Variants in ASPRV1 observed in about 807,000 individuals in gnomAD.
ASPRV1 encodes retroviral-like aspartic protease 1.
In ASPRV1, 7 loss-of-function variants were observed where a neutral mutation model predicts 11.0. The ratio of observed to expected loss-of-function variants is 0.64; its 90% CI spans 0.36 to 1.20. ASPRV1 has a LOEUF of 1.20. Among genes scored for constraint, ASPRV1 ranks in the 50% most tolerant of loss-of-function variants. The pLI, the probability that ASPRV1 is intolerant of heterozygous loss-of-function variation, is 0.02. For missense variants in ASPRV1, 299 were observed against 320.0 expected, an observed-to-expected ratio of 0.93 and a Z score of 0.50; for synonymous variants, 136 against 138.4, an observed-to-expected ratio of 0.98 and a Z score of 0.12.
At chr2:70,021,433 C>A in the ASPRV1 span, among the ~76,000 whole-genome samples, 1 of 151,634 alleles carries the variant, frequency 6.6e-6, no homozygotes, top group Non-Finnish European at 1.5e-5. Context: ...ATTCTCCTGC[C>A]TCAGCCTTCC....
chr2:70,060,650 T>TA, the ASPRV1 span, among the ~76,000 whole-genome samples: 1,881 of 150,344 alleles, frequency 0.013, 42 homozygotes, highest in African/African-American at 0.043. Context: ...CCGTCTCTAC[T>TA]AAAAAAAAAT....
the ASPRV1 span, among the ~76,000 whole-genome samples, chr2:70,063,591 A>G: frequency 0.025 from 3,793 of 152,262 alleles, 148 homozygotes; most frequent in African/African-American, 0.085. Flanking sequence ...TGTTTCAAAG[A>G]TAAGGGAGTT....
the ASPRV1 span, among the ~76,000 whole-genome samples, chr2:69,932,772 A>G: frequency 2.6e-3 from 398 of 152,318 alleles, 3 homozygotes; most frequent in South Asian, 0.016. Context: ...CAAACTTCCT[A>G]AAAAAATTCA....
upstream of ASPRV1, chr2:69,964,247 C>A: frequency 2.6e-6 from 1 of 391,474 alleles, no homozygotes; most frequent in South Asian, 1.8e-5. Flanking sequence ...CCCATCCTTC[C>A]CCACAATCTT....
chr2:70,084,613 C>G, the ASPRV1 span, among the ~76,000 whole-genome samples: 1 of 152,164 alleles, frequency 6.6e-6, no homozygotes, highest in Non-Finnish European at 1.5e-5. Flanking sequence ...TTTTTAATCA[C>G]TTTATAATGT....
At chr2:70,045,154 A>C in the ASPRV1 span, 3 of 152,114 alleles carry the variant, frequency 2.0e-5, no homozygotes, top group Non-Finnish European at 4.4e-5. Context: ...GCATCTCATC[A>C]CCCTTCTTTC....
the ASPRV1 span, chr2:70,086,247 C>T: frequency 3.3e-5 from 5 of 152,190 alleles, no homozygotes; most frequent in Non-Finnish European, 5.9e-5. Context: ...GCGACGAATG[C>T]TAACCACGTG....
the ASPRV1 span, among the ~76,000 whole-genome samples, chr2:69,946,278 G>C: frequency 1.3e-5 from 2 of 152,208 alleles, no homozygotes; most frequent in Admixed American, 6.5e-5. Context: ...CTCAGGGGGA[G>C]TGCCCATGTC....
chr2:69,948,083 C>CAA, the ASPRV1 span, among the ~76,000 whole-genome samples: 5,192 of 137,922 alleles, frequency 0.038, 254 homozygotes, highest in African/African-American at 0.11. Flanking sequence ...CCCCGTCTCT[C>CAA]AAAAAAAAAA....
the ASPRV1 span, chr2:69,937,534 T>C: frequency 1.3e-6 from 1 of 782,636 alleles, no homozygotes; most frequent in Non-Finnish European, 2.0e-6. Flanking sequence ...CAGTGTGACC[T>C]CCAGTGACAG....
the ASPRV1 span, among the ~76,000 whole-genome samples, chr2:70,042,900 G>T: frequency 6.6e-6 from 1 of 152,118 alleles, no homozygotes; most frequent in Non-Finnish European, 1.5e-5. Context: ...TAAAAGTCTG[G>T]ATCAAAAATA....
At chr2:70,012,056 G>A in the ASPRV1 span, 1 of 152,322 alleles carries the variant, frequency 6.6e-6, no homozygotes, top group Non-Finnish European at 1.5e-5. Flanking sequence ...GGAGGCATGT[G>A]CTATTAGTAC....
At chr2:70,075,139 C>T in the ASPRV1 span, 1 of 148,476 alleles carries the variant, frequency 6.7e-6, no homozygotes, top group Non-Finnish European at 1.5e-5. Context: ...AACAGAGTCT[C>T]GCTCTGTCGC....
the ASPRV1 span, chr2:70,046,098 A>T: frequency 6.6e-6 from 1 of 152,128 alleles, no homozygotes; most frequent in South Asian, 2.1e-4. Flanking sequence ...TCACACCTCA[A>T]ATCAACAACA....
the ASPRV1 span, chr2:69,941,523 A>G: frequency 6.6e-6 from 1 of 152,202 alleles, no homozygotes; most frequent in Non-Finnish European, 1.5e-5. Context: ...TTGATTCAGA[A>G]CTGAACATTA....
chr2:69,956,694 C>T (rs571211447), downstream of ASPRV1, among the ~76,000 whole-genome samples: 30 of 152,166 alleles, frequency 2.0e-4, no homozygotes, highest in Non-Finnish European at 3.7e-4. Context: ...GAGTGTCTCC[C>T]CACAAGACAC....
At chr2:69,983,320 A>C in the ASPRV1 span, among the ~76,000 whole-genome samples, 3 of 152,352 alleles carry the variant, frequency 2.0e-5, no homozygotes, top group African/African-American at 7.2e-5. Flanking sequence ...GGATTTGGCC[A>C]AGAGCAAAGT....
In ASPRV1 at chr2:69,961,561, G is replaced by T; in HGVS notation, c.-125C>A. The T allele has an allele frequency of 6.2e-7, 1 of 1,614,092 alleles. No homozygotes were observed. The highest frequency in any genetic ancestry group is 8.5e-7 in the Non-Finnish European group (1 of 1,179,990). ...AAGCAGAGTGGGGATGACTTGCCCG[G>T]CCTTGGGCAAGCAGGAGGGAGCAGG... is the stretch of plus-strand genomic sequence containing the variant. On this transcript the variant is annotated 5_prime_UTR_variant, in exon 1 of 1. Coordinates refer to ENST00000320256, the MANE Select transcript of ASPRV1 (RefSeq NM_152792.4).
At chr2:69,935,881 C>T in the ASPRV1 span, among the ~76,000 whole-genome samples, 1 of 152,174 alleles carries the variant, frequency 6.6e-6, no homozygotes. Flanking sequence ...GAGAACAGTC[C>T]TTCCAAGGTG....
Sources: gnomAD v4.1 joint callset for allele counts (sites outside exome capture counted in the v4.1 genomes callset) on GRCh38, gnomAD v4.1.1 for gene constraint, MANE v1.5 for transcripts, NCBI Gene and HGNC (gene_info 2026-07-23, HGNC 2026-07-21) for gene names.